Variants in DYNAP observed in about 807,000 individuals in gnomAD.
The protein encoded by DYNAP is dynactin-associated protein.
Under a neutral mutation model 8.5 loss-of-function variants are expected in DYNAP, and 7 were observed. The ratio of observed to expected loss-of-function variants is 0.82; its 90% confidence interval spans 0.47 to 1.54. The LOEUF (loss-of-function observed/expected upper bound fraction) is 1.54, where lower values mean the gene tolerates loss of function less well. Among genes scored for constraint, DYNAP ranks in the 40% most tolerant of loss-of-function variants. The pLI is 0.01. For missense variants in DYNAP, 256 were observed against 224.3 expected (o/e 1.14, Z -0.90); for synonymous variants, 77 against 77.9 (o/e 0.99, Z 0.06).
chr18:54,591,105 T>C, upstream of DYNAP: 1 of 1,264,450 alleles, frequency 7.9e-7, no homozygotes, highest in Non-Finnish European at 1.1e-6. Context: ...CATTTCCTCC[T>C]CTAAGGTGGA....
chr18:54,588,318 G>A (rs1449245924), upstream of DYNAP, among the ~76,000 whole-genome samples: 2 of 150,708 alleles, frequency 1.3e-5, no homozygotes, highest in Non-Finnish European at 2.9e-5. Context: ...CAATTCTTCT[G>A]CCCCAGCCTC....
At chr18:54,582,708 T>A in the DYNAP span, among the ~76,000 whole-genome samples, 1 of 152,252 alleles carries the variant, frequency 6.6e-6, no homozygotes, top group Non-Finnish European at 1.5e-5. Context: ...GAATTCCATC[T>A]GTACTCCAGG....
At chr18:54,582,568 G>A in the DYNAP span, among the ~76,000 whole-genome samples, 8 of 152,220 alleles carry the variant, frequency 5.3e-5, no homozygotes, top group Non-Finnish European at 7.4e-5. Flanking sequence ...AAAATAATTA[G>A]CCAATCAGTC....
chr18:54,595,417 G>A (rs182849980), intron 2 of DYNAP, among the ~76,000 whole-genome samples: 13 of 152,208 alleles, frequency 8.5e-5, no homozygotes, highest in African/African-American at 2.9e-4. Context: ...AGGGGCAGAT[G>A]AATAAGAATG....
intron 1 of DYNAP, among the ~76,000 whole-genome samples, chr18:54,593,791 G>A (rs532086151): frequency 6.6e-6 from 1 of 152,176 alleles, no homozygotes; most frequent in Admixed American, 6.5e-5. Flanking sequence ...AATTAGATGA[G>A]CATGAAGGCA....
chr18:54,593,596 G>A (rs773804438), intron 1 of DYNAP, among the ~76,000 whole-genome samples: 3 of 152,106 alleles, frequency 2.0e-5, no homozygotes, highest in Non-Finnish European at 2.9e-5. Context: ...GTGAGATGAA[G>A]AGCCTTAGAT....
intron 1 of DYNAP, among the ~76,000 whole-genome samples, chr18:54,592,727 G>C (rs1246550416): frequency 6.6e-6 from 1 of 152,092 alleles, no homozygotes; most frequent in Non-Finnish European, 1.5e-5. Context: ...GTTTTGAATA[G>C]AGACTCCACC....
upstream of DYNAP, among the ~76,000 whole-genome samples, chr18:54,584,611 A>C (rs948605471): frequency 6.4e-4 from 97 of 152,314 alleles, 1 homozygote; most frequent in African/African-American, 2.3e-3. Flanking sequence ...GAATATATTA[A>C]AACATTAAAA....
upstream of DYNAP, chr18:54,591,174 A>C (rs1181267944): frequency 1.2e-6 from 2 of 1,600,912 alleles, no homozygotes; most frequent in African/African-American, 2.7e-5. Context: ...GATGCATCAT[A>C]GTTGACTTCC....
chr18:54,579,479 C>T, the DYNAP span, among the ~76,000 whole-genome samples: 1 of 152,206 alleles, frequency 6.6e-6, no homozygotes, highest in Non-Finnish European at 1.5e-5. Context: ...ATATAGACAG[C>T]ATCACGTTTT....
At position 54,591,312 on chromosome 18, in the gene DYNAP, G is replaced by T. The variant is rs1306659565; in HGVS notation, c.30G>T (p.Leu10Phe). The change falls in exon 1 of 3, where the codon TTG becomes TTT. Residue 10 changes from leucine to phenylalanine, a missense_variant. Transcript: ENST00000648945. ...ACAGAAAGCATGGAAAATACATATT[G>T]AACGTTGAGCACTCTGAAAACCAGC... MDRKHGKYI[L>F]NVEHSENQPP... 6.2e-7 allele frequency: 1 copy of T among 1,611,094 alleles called. No individual in the cohort carries two copies. The highest frequency in any genetic ancestry group is 1.1e-5 in the South Asian group (1 of 90,648).
chr18:54,583,859 G>A (rs1321150939), upstream of DYNAP, among the ~76,000 whole-genome samples: 2 of 151,958 alleles, frequency 1.3e-5, no homozygotes, highest in East Asian at 1.9e-4. Flanking sequence ...TCTGAGAACC[G>A]ATCACCTGAA....
At chr18:54,583,881 A>C (rs544868695), upstream of DYNAP, among the ~76,000 whole-genome samples, 5 of 152,272 alleles carry the variant, frequency 3.3e-5, no homozygotes, top group African/African-American at 1.2e-4. Flanking sequence ...ATAGCTTGGA[A>C]TACAGATAAT....
chr18:54,578,033 G>T, the DYNAP span, among the ~76,000 whole-genome samples: 2 of 151,732 alleles, frequency 1.3e-5, no homozygotes, highest in Non-Finnish European at 1.5e-5. Context: ...GGACTGAAAA[G>T]TTCAGAGTAT....
At chr18:54,588,144 T>C (rs1368089185), upstream of DYNAP, among the ~76,000 whole-genome samples, 5 of 152,246 alleles carry the variant, frequency 3.3e-5, no homozygotes, top group East Asian at 7.7e-4. Flanking sequence ...TGCTACTAAT[T>C]TGATATCCAG....
At chr18:54,587,632 A>C, upstream of DYNAP, 1 of 368,926 alleles carries the variant, frequency 2.7e-6, no homozygotes, top group Non-Finnish European at 4.8e-6. Flanking sequence ...CTGCCAAATA[A>C]ATTTATGCCA....
chr18:54,577,520 A>G, the DYNAP span, among the ~76,000 whole-genome samples: 2 of 151,164 alleles, frequency 1.3e-5, no homozygotes. Context: ...GGTCAAGGCT[A>G]CAGTGAACCG....
At position 54,596,389 on chromosome 18, in the gene DYNAP, C is replaced by T. The variant is rs144940907; in HGVS notation, c.222+1286C>T. On this transcript the variant is annotated intron_variant, in intron 2 of 2. Transcript: ENST00000648945. ...TGTCCAGCCTCTGCTGGTTCTTAAA[C>T]TTGACTGCATATTAGAATCACCTGG... Among the ~76,000 whole-genome samples the T allele has an allele frequency of 1.7e-4, 26 of 152,168 alleles. No individual in the cohort carries two copies. In the East Asian group the frequency reaches 4.8e-3, roughly 28 times the overall value.
chr18:54,594,747 G>A (rs936521232), intron 1 of DYNAP, among the ~76,000 whole-genome samples, 192 bp from the exon 2 acceptor site: 2 of 152,098 alleles, frequency 1.3e-5, no homozygotes, highest in Admixed American at 1.3e-4. Flanking sequence ...TAGAACTTTA[G>A]TAGCCTACCA....
Sources: allele counts gnomAD v4.1 joint callset (sites outside exome capture counted in the v4.1 genomes callset), GRCh38; gene constraint gnomAD v4.1.1; transcripts MANE v1.5; gene names NCBI Gene and HGNC (gene_info 2026-07-23, HGNC 2026-07-21).